The following SCHIP1 variants were observed in gnomAD, a reference collection of about 807,000 sequenced individuals.
SCHIP1 encodes the protein schwannomin-interacting protein 1.
A neutral mutation model predicts 29.7 loss-of-function variants in SCHIP1; 8 were observed. That is an observed-to-expected ratio of 0.27 (90% CI 0.16 to 0.49). The LOEUF is 0.49. Among genes scored for constraint, SCHIP1 ranks in the 20% least tolerant of loss-of-function variants. The pLI, the probability that SCHIP1 is intolerant of heterozygous loss-of-function variation, is 0.99. For missense variants in SCHIP1, 193 were observed against 294.6 expected (o/e 0.66, Z 2.52); for synonymous variants, 76 against 94.9 (o/e 0.80, Z 1.16).
the SCHIP1 span, among the ~76,000 whole-genome samples, chr3:159,340,619 C>T: frequency 6.6e-6 from 1 of 152,114 alleles, no homozygotes; most frequent in Non-Finnish European, 1.5e-5. Context: ...CATCTGTTCA[C>T]TCATATGTCC....
chr3:159,330,393 G>A, the SCHIP1 span, among the ~76,000 whole-genome samples: 8 of 152,154 alleles, frequency 5.3e-5, no homozygotes, highest in Admixed American at 4.6e-4. Flanking sequence ...GAGGCCTGTT[G>A]TAGTCCTAGA....
chr3:159,699,193 C>T, the SCHIP1 span, among the ~76,000 whole-genome samples: 2 of 152,224 alleles, frequency 1.3e-5, no homozygotes, highest in African/African-American at 4.8e-5. Context: ...GCATTTACCA[C>T]ATGTCAGTCA....
chr3:159,655,452 C>T, the SCHIP1 span, among the ~76,000 whole-genome samples: 1 of 152,060 alleles, frequency 6.6e-6, no homozygotes, highest in Admixed American at 6.6e-5. Context: ...AACAAGGGGC[C>T]AGGCACTATG....
chr3:159,383,282 G>T, the SCHIP1 span, among the ~76,000 whole-genome samples: 3 of 151,840 alleles, frequency 2.0e-5, no homozygotes, highest in African/African-American at 7.2e-5. Context: ...ATTAATTTTT[G>T]TATAAGATGT....
chr3:159,892,967 GTATT>G (rs1402073376), intron 6 of SCHIP1: 1 of 152,226 alleles, frequency 6.6e-6, no homozygotes, highest in Non-Finnish European at 1.5e-5. Flanking sequence ...CCCAGAAACA[GTATT>G]TAGAGAGTAG....
At chr3:159,735,132 G>A in the SCHIP1 span, among the ~76,000 whole-genome samples, 739 of 151,574 alleles carry the variant, frequency 4.9e-3, 9 homozygotes, top group Admixed American at 0.022. Context: ...CTATAAAGGT[G>A]GTCTATTCCA....
the SCHIP1 span, among the ~76,000 whole-genome samples, chr3:159,801,713 A>G: frequency 5.9e-5 from 9 of 152,170 alleles, no homozygotes; most frequent in Non-Finnish European, 1.0e-4. Context: ...TTATTTATTC[A>G]ATAAAAATTC....
the SCHIP1 span, among the ~76,000 whole-genome samples, chr3:159,301,971 A>G: frequency 6.2e-4 from 94 of 152,298 alleles, no homozygotes; most frequent in African/African-American, 2.2e-3. Flanking sequence ...TTTTCTCATG[A>G]TTCTTCTTCT....
chr3:159,594,570 C>A, the SCHIP1 span, among the ~76,000 whole-genome samples: 1 of 152,080 alleles, frequency 6.6e-6, no homozygotes, highest in South Asian at 2.1e-4. Flanking sequence ...GGTTCTGTAC[C>A]CATCACAAAT....
chr3:159,555,062 T>C, the SCHIP1 span, among the ~76,000 whole-genome samples: 22 of 152,300 alleles, frequency 1.4e-4, no homozygotes, highest in Non-Finnish European at 3.1e-4. Context: ...AATTGGCATT[T>C]AATCTCTGCA....
chr3:159,448,326 C>G, the SCHIP1 span, among the ~76,000 whole-genome samples: 1 of 151,978 alleles, frequency 6.6e-6, no homozygotes. Context: ...CAAAAATTAG[C>G]CAGGTGTGGT....
At chr3:159,336,966 T>A in the SCHIP1 span, among the ~76,000 whole-genome samples, 1 of 152,232 alleles carries the variant, frequency 6.6e-6, no homozygotes, top group East Asian at 1.9e-4. Context: ...TGATTCTTTA[T>A]ACCCATGAGC....
chr3:159,870,026 G>A (rs1049834759), intron 2 of SCHIP1, among the ~76,000 whole-genome samples: 2 of 151,758 alleles, frequency 1.3e-5, no homozygotes, highest in African/African-American at 4.8e-5. Context: ...TTTGCTGCTG[G>A]TGAACAGAAA....
the SCHIP1 span, among the ~76,000 whole-genome samples, chr3:159,626,293 T>C: frequency 6.9e-6 from 1 of 145,664 alleles, no homozygotes; most frequent in Non-Finnish European, 1.5e-5. Context: ...GATAGATAGA[T>C]AGATAGATTT....
At chr3:159,751,151 T>A in the SCHIP1 span, among the ~76,000 whole-genome samples, 1 of 152,240 alleles carries the variant, frequency 6.6e-6, no homozygotes, top group South Asian at 2.1e-4. Context: ...TACGTATGCA[T>A]TGTTGTGCAT....
At chr3:159,763,951 G>A in the SCHIP1 span, 3 of 152,124 alleles carry the variant, frequency 2.0e-5, no homozygotes, top group African/African-American at 7.3e-5. Context: ...GGGGCGGGGC[G>A]GGGCGGGGCC....
At chr3:159,755,442 G>A in the SCHIP1 span, among the ~76,000 whole-genome samples, 46 of 152,138 alleles carry the variant, frequency 3.0e-4, no homozygotes, top group Non-Finnish European at 5.7e-4. Flanking sequence ...AACAGCATGG[G>A]AAAGACCTGC....
chr3:159,663,464 C>T, the SCHIP1 span, among the ~76,000 whole-genome samples: 1 of 152,120 alleles, frequency 6.6e-6, no homozygotes, highest in Non-Finnish European at 1.5e-5. Flanking sequence ...TGGATGGGGT[C>T]TCTAGGATCC....
the SCHIP1 span, among the ~76,000 whole-genome samples, chr3:159,784,778 T>C: frequency 3.9e-5 from 6 of 152,210 alleles, no homozygotes; most frequent in African/African-American, 1.2e-4. Context: ...CCCAGCCTCC[T>C]GAGTAGCTGA....
Sources: gnomAD v4.1 joint callset for allele counts (sites outside exome capture counted in the v4.1 genomes callset) on GRCh38, gnomAD v4.1.1 for gene constraint, MANE v1.5 for transcripts, NCBI Gene and HGNC (gene_info 2026-07-23, HGNC 2026-07-21) for gene names.